The following CEBPZ variants were observed in gnomAD, a reference collection of about 807,000 sequenced individuals.
CEBPZ encodes the protein CCAAT enhancer binding protein zeta.
A neutral mutation model predicts 104.5 loss-of-function variants in CEBPZ; 78 were observed. The ratio of observed to expected loss-of-function variants is 0.75; its 90% CI spans 0.62 to 0.90. The LOEUF (loss-of-function observed/expected upper bound fraction) is 0.90, where lower values mean the gene tolerates loss of function less well. Ranked by LOEUF, CEBPZ falls within the 40% of genes least tolerant of loss-of-function variation. CEBPZ has a pLI of 0.00. For synonymous variants in CEBPZ, 470 were observed against 427.0 expected (o/e 1.10, Z -1.24); for missense variants, 1,439 against 1,233.5 (o/e 1.17, Z -2.50).
At chr2:37,219,612 G>C (rs1409470306) in intron 5 of CEBPZ, among the ~76,000 whole-genome samples, 1 of 152,086 alleles carries the variant, frequency 6.6e-6, no homozygotes, top group Non-Finnish European at 1.5e-5. Flanking sequence ...TCACTAAAAA[G>C]GTATCAGGAA....
chr2:37,215,189 CA>C, intron 8 of CEBPZ: 1 of 343,830 alleles, frequency 2.9e-6, no homozygotes, highest in Admixed American at 4.6e-5. Flanking sequence ...ACATAGCTGT[CA>C]GTGCCGTTAC....
At position 37,202,970 on chromosome 2, in the gene CEBPZ, G is replaced by A; in HGVS notation, c.2923C>T (p.Leu975=). The change falls in exon 14 of 16, where the codon CTA becomes TTA. Residue 975 remains leucine, a synonymous_variant. Transcript: ENST00000234170. ...KKKRNLNDSS[L]FVSAEEFGHL... is the part of the protein sequence containing the mutation. ...CTTACCTCTTCAGCAGATACAAATA[G>A]GCTGGAATCATTTAAGTTTCTTTTC... The A allele has an allele frequency of 1.3e-6, 2 of 1,562,446 alleles. No homozygotes were observed. Among genetic ancestry groups the A allele is most frequent in the Non-Finnish European group, 1.7e-6 (2 of 1,157,372 alleles).
In CEBPZ at chr2:37,201,774, T is replaced by C. The variant is rs971697863; in HGVS notation, c.3155A>G (p.Gln1052Arg). Residue 1052 changes from glutamine to arginine, a missense_variant, in exon 16 of 16, where the codon CAA (glutamine) becomes CGA (arginine). Gln to Arg is a conservative substitution (Grantham distance 43). Transcript: ENST00000234170. ...RIKTTQKTKK[Q>R]RK Reference sequence around the variant, plus strand: ...ATTTACATTAATAACTCATTTCCTTTGTTTTTTAGTTTTTTGAGTGGTTTT... The same window carrying C: ...ATTTACATTAATAACTCATTTCCTTCGTTTTTTAGTTTTTTGAGTGGTTTT... 21 of 1,424,706 alleles carry C rather than the reference T, an allele frequency of 1.5e-5. No homozygotes were observed. Among genetic ancestry groups the C allele is most frequent in the Non-Finnish European group, 2.1e-5 (21 of 1,009,476 alleles). 88.3% of individuals were successfully genotyped at this position (1,424,706 alleles called of 1,614,324 possible).
intron 1 of CEBPZ, 147 bp downstream of exon 1, chr2:37,231,265 A>G (rs924291049): frequency 9.4e-7 from 1 of 1,059,444 alleles, no homozygotes; most frequent in Non-Finnish European, 1.4e-6. Context: ...CCGGCGTGGG[A>G]AGCGCACCGA....
chr2:37,214,593 C>G (rs1677824217), intron 9 of CEBPZ, among the ~76,000 whole-genome samples: 1 of 152,020 alleles, frequency 6.6e-6, no homozygotes, highest in African/African-American at 2.4e-5. Context: ...TAACAAAACT[C>G]CCAAATTTAC....
chr2:37,212,889 A>C (rs569921839), intron 10 of CEBPZ, among the ~76,000 whole-genome samples: 9 of 151,108 alleles, frequency 6.0e-5, no homozygotes, highest in South Asian at 2.1e-4. Context: ...CAAAAAAAAA[A>C]CGAGCCGGAC....
At chr2:37,230,443 G>A (rs1419035144) in intron 1 of CEBPZ, among the ~76,000 whole-genome samples, 1 of 152,128 alleles carries the variant, frequency 6.6e-6, no homozygotes, top group African/African-American at 2.4e-5. Flanking sequence ...ATCTTTTAAA[G>A]TTTGCACCAC....
At chr2:37,226,329 TG>T (rs1162884008) in intron 2 of CEBPZ, among the ~76,000 whole-genome samples, 1 of 152,184 alleles carries the variant, frequency 6.6e-6, no homozygotes, top group Non-Finnish European at 1.5e-5. Flanking sequence ...TAAAGAAACA[TG>T]GATGACTATC....
chr2:37,222,411 A>C lies in CEBPZ; in HGVS notation c.2034T>G (p.Val678=), dbSNP rs1378774115. The C allele has an allele frequency of 6.3e-7, 1 of 1,595,836 alleles. No individual in the cohort carries two copies. Among genetic ancestry groups the C allele is most frequent in the Non-Finnish European group, 8.5e-7 (1 of 1,174,664 alleles). Residue 678 remains valine (V), a synonymous_variant, in exon 4 of 16, where the codon GTT becomes GTG. Coordinates refer to ENST00000234170, the MANE Select transcript of CEBPZ (RefSeq NM_005760.3). ...AATTATCAAAGTGCACCCAGGAAGC[A>C]ACCTCTGGTTTTTTGGTTTCTACAT... ...ETDVETKKPE[V]ASWVHFDNLK... is the part of the protein sequence containing the mutation.
rs372182364 is a variant in CEBPZ at position 37,213,846 on chromosome 2, G to A, written c.2545+18C>T. On this transcript the variant is annotated intron_variant, in intron 10 of 15. Transcript: ENST00000234170. ...ATAGTAGTAGATTATTTTACAAAGA[G>A]TCAACAAAACAAATTACCAATCAGC... The A allele has an allele frequency of 6.5e-7, 1 of 1,531,604 alleles. No homozygotes were observed. Among genetic ancestry groups the A allele is most frequent in the Non-Finnish European group, 9.0e-7 (1 of 1,111,492 alleles). The allele number at this position is 1,531,604 out of a possible 1,614,324, so 94.9% of individuals were successfully genotyped here.
chr2:37,226,171 C>T (rs1041420159), intron 2 of CEBPZ, among the ~76,000 whole-genome samples: 1 of 151,864 alleles, frequency 6.6e-6, no homozygotes, highest in Admixed American at 6.6e-5. Context: ...GCTGGTTCCC[C>T]GGTTCCCCTT....
intron 5 of CEBPZ, among the ~76,000 whole-genome samples, chr2:37,217,305 G>C (rs900729488): frequency 6.6e-6 from 1 of 152,116 alleles, no homozygotes; most frequent in African/African-American, 2.4e-5. Flanking sequence ...GGAGGCTAAA[G>C]TGGGAGGACT....
chr2:37,205,967 CAG>C (rs762348300), intron 13 of CEBPZ, among the ~76,000 whole-genome samples: 8 of 152,126 alleles, frequency 5.3e-5, no homozygotes, highest in Non-Finnish European at 7.4e-5. Flanking sequence ...AAAAAGATAA[CAG>C]GTGTCTGAAA....
rs376376054 is a variant in CEBPZ at position 37,222,577 on chromosome 2, A to G, written c.1882-14T>C. On this transcript the variant is annotated splice_polypyrimidine_tract_variant and intron_variant, in intron 3 of 15. Coordinates refer to ENST00000234170, the MANE Select transcript of CEBPZ (RefSeq NM_005760.3). The stretch of plus-strand genomic sequence containing the variant: ...ATCATCAGACTCCTAACAAAAGTAT[A>G]GTTTCATAAATCTACATAAATCAAC... The G allele has an allele frequency of 3.2e-6, 5 of 1,551,122 alleles. No homozygotes were observed. In the African/African-American group the frequency reaches 5.6e-5, roughly 17 times the overall value.
intron 13 of CEBPZ, among the ~76,000 whole-genome samples, chr2:37,205,233 T>C (rs933275807): frequency 2.0e-5 from 3 of 152,224 alleles, no homozygotes; most frequent in Non-Finnish European, 4.4e-5. Context: ...TTGTCAGGCC[T>C]CTGAGCCCAA....
intron 2 of CEBPZ, among the ~76,000 whole-genome samples, chr2:37,224,944 CA>C (rs1664847790): frequency 6.6e-6 from 1 of 152,088 alleles, no homozygotes; most frequent in African/African-American, 2.4e-5. Context: ...TAAATAGAGA[CA>C]GAAAAATGTT....
Position 37,222,389 on chromosome 2 carries a change from T to C in CEBPZ, c.2056A>G (p.Asn686Asp). Residue 686 changes from asparagine (N) to aspartate (D), a missense_variant, in exon 4 of 16, where the codon AAT (asparagine) becomes GAT (aspartate). Transcript: ENST00000234170. ...GATGAAAAAAACTCACCTTTCAAAT[T>C]ATCAAAGTGCACCCAGGAAGCAACC... is the stretch of plus-strand genomic sequence containing the variant. ...PEVASWVHFD[N>D]LKGGKQLNKY... 2 of 1,578,134 alleles carry C rather than the reference T, an allele frequency of 1.3e-6. No homozygotes were observed. The highest frequency in any genetic ancestry group is 2.0e-5 in the Admixed American group (1 of 49,388).
At chr2:37,212,965 G>C (rs1164074022) in intron 10 of CEBPZ, among the ~76,000 whole-genome samples, 1 of 151,544 alleles carries the variant, frequency 6.6e-6, no homozygotes, top group Admixed American at 6.6e-5. Context: ...CCTGAGCCCA[G>C]AAGGTCTAGG....
At chr2:37,211,333 A>G (rs993240253) in intron 12 of CEBPZ, 7 of 316,810 alleles carry the variant, frequency 2.2e-5, no homozygotes, top group Middle Eastern at 8.6e-4. Flanking sequence ...CAAATAATAT[A>G]AAACCCCTTA....
Sources: gnomAD v4.1 joint callset for allele counts (sites outside exome capture counted in the v4.1 genomes callset) on GRCh38, gnomAD v4.1.1 for gene constraint, MANE v1.5 for transcripts, NCBI Gene and HGNC (gene_info 2026-07-23, HGNC 2026-07-21) for gene names.